PTPRU: variants seen among roughly 807,000 people sequenced by gnomAD.
The protein encoded by PTPRU is receptor-type tyrosine-protein phosphatase U.
PTPRU carries 69 observed loss-of-function variants against 166.3 expected under a neutral mutation model. The ratio of observed to expected loss-of-function variants is 0.41; its 90% CI spans 0.34 to 0.51. The LOEUF (loss-of-function observed/expected upper bound fraction) is 0.51. PTPRU is among the 20% of genes least tolerant of loss of function. The pLI is 0.09. For synonymous variants in PTPRU, 793 were observed against 814.0 expected, an observed-to-expected ratio of 0.97 and a Z score of 0.44; for missense variants, 1,657 against 2,013.7, an observed-to-expected ratio of 0.82 and a Z score of 3.39.
At chr1:29,301,593 T>C (rs1011146584) in intron 15 of PTPRU, among the ~76,000 whole-genome samples, 1 of 152,196 alleles carries the variant, frequency 6.6e-6, no homozygotes, top group Non-Finnish European at 1.5e-5. Context: ...TTCTTTCTTT[T>C]TTTATTGTAC....
rs781460636 is a variant in PTPRU, at chr1:29,275,606, A to G, written c.1303A>G (p.Ile435Val). 1 of 1,614,148 alleles carries G rather than the reference A, an allele frequency of 6.2e-7. No homozygotes were observed. Among genetic ancestry groups the G allele is most frequent in the South Asian group, 1.1e-5 (1 of 91,076 alleles). ...CCTGGGCAGCAGCCACAACCAGACCATCCGAGAGTGTGTGAAGACAGAGCA... is the reference window on the plus strand; with the variant it reads ...CCTGGGCAGCAGCCACAACCAGACCGTCCGAGAGTGTGTGAAGACAGAGCA... Reference protein sequence around the residue: ...YTLGSSHNQTIRECVKTEQGV... With the variant: ...YTLGSSHNQTVRECVKTEQGV... The change falls in exon 8 of 30, where the codon ATC becomes GTC. Residue 435 changes from isoleucine to valine, a missense_variant. By Grantham distance (29) the Ile-to-Val change is conservative (BLOSUM62 3). Around this residue, in one of 3 missense-constraint regions of PTPRU, gnomAD observed 1,190 missense variants for 1,477.4 expected, o/e 0.81. Coordinates refer to ENST00000373779, the MANE Select transcript of PTPRU (RefSeq NM_133178.4).
chr1:29,317,808 C>G lies in PTPRU; in HGVS notation c.3574C>G (p.Arg1192Gly), dbSNP rs112916671. ...GGAGTGCAGCATCGCCCTGTTGCCC[C>G]GGAACCGCGACAAGAACCGCAGCAT... ...VEECSIALLP[R>G]NRDKNRSMDV... The change falls in exon 25 of 30, where the codon CGG (arginine) becomes GGG (glycine). Residue 1192 changes from arginine (R) to glycine (G), a missense_variant. This residue lies in a region of PTPRU where 1,190 missense variants were observed against 1,477.4 expected (regional missense o/e 0.81). Transcript: ENST00000373779. The surrounding 1 kb of genome is among the most constrained non-coding windows in gnomAD (Gnocchi z 5.6). 3.7e-6 allele frequency: 6 copies of G among 1,613,220 alleles called. No homozygotes were observed. The African/African-American group carries it at 6.7e-5, about 18-fold the overall frequency.
intron 7 of PTPRU, among the ~76,000 whole-genome samples, chr1:29,272,465 G>A (rs1685600368): frequency 6.6e-6 from 1 of 152,180 alleles, no homozygotes; most frequent in Non-Finnish European, 1.5e-5. Context: ...CCTTCTGGGT[G>A]GAAACAGAAT....
At chr1:29,314,053 G>A (rs1222378665) in intron 22 of PTPRU, among the ~76,000 whole-genome samples, 2 of 152,140 alleles carry the variant, frequency 1.3e-5, no homozygotes, top group African/African-American at 2.4e-5. Context: ...GCTCTTTGCT[G>A]TTTGTCTTCT....
intron 14 of PTPRU, among the ~76,000 whole-genome samples, chr1:29,288,957 G>T (rs1042279176): frequency 1.3e-5 from 2 of 152,200 alleles, no homozygotes; most frequent in Non-Finnish European, 2.9e-5. Flanking sequence ...CAGAGGGGAT[G>T]ACCTGGCTCC....
chr1:29,260,822 A>T lies in PTPRU; in HGVS notation c.1063A>T (p.Ile355Phe), dbSNP rs1171067110. 7 of 1,612,258 alleles carry T rather than the reference A, an allele frequency of 4.3e-6. No homozygotes were observed. The highest frequency in any genetic ancestry group is 3.3e-5 in the South Asian group (3 of 90,992). The change falls in exon 7 of 30, where the codon ATC (isoleucine) becomes TTC (phenylalanine). Residue 355 changes from isoleucine to phenylalanine, a missense_variant. Ile to Phe is a conservative substitution (Grantham distance 21). Coordinates refer to ENST00000373779, the MANE Select transcript of PTPRU (RefSeq NM_133178.4). This position sits in a 1 kb window ranked among gnomAD's most constrained non-coding sequence, Gnocchi z 8.3. The part of the protein sequence containing the change: ...WHLDPDTEYE[I>F]SVLLTRPGDG... ...CCTCGACCCCGACACAGAGTATGAG[A>T]TCAGCGTGCTGCTCACGCGTCCCGG...
chr1:29,268,378 C>T (rs918060348), intron 7 of PTPRU, among the ~76,000 whole-genome samples: 7 of 152,142 alleles, frequency 4.6e-5, no homozygotes, highest in Non-Finnish European at 1.0e-4. Flanking sequence ...AGGACATAAC[C>T]GTTGTCACAA....
Position 29,269,243 on chromosome 1 carries a change from TATA to T in PTPRU, c.1145-6204_1145-6202del, listed in dbSNP as rs1384422874. ...ACATATATATATATATATATATATA[TATA>T]TTTTTTTTTTTTTTTTTTTTTTTTT... On this transcript the variant is annotated intron_variant, in intron 7 of 29. Transcript: ENST00000373779. 1.7e-3 allele frequency among the ~76,000 whole-genome samples: 90 copies of T among 52,102 alleles called. 1 individual carries two copies. The highest frequency in any genetic ancestry group is 2.3e-3 in the South Asian group (2 of 870). The allele number at this position is 52,102 out of a possible 152,430, so 34.2% of individuals were successfully genotyped here.
At position 29,254,640 on chromosome 1, in the gene PTPRU, C is replaced by A. The variant is rs139325198; in HGVS notation, c.74-635C>A. Among the ~76,000 whole-genome samples the A allele has an allele frequency of 3.3e-5, 5 of 152,348 alleles. No individual in the cohort carries two copies. In the South Asian group the frequency reaches 8.3e-4, roughly 25 times the overall value. ...TGGCCTGAACGAGGCTCTGTACTTA[C>A]GCCATTTAGCATTGTGCCCGGCTTG... On this transcript the variant is annotated intron_variant, in intron 1 of 29. Transcript: ENST00000373779.
intron 1 of PTPRU, 106 bp from the exon 2 acceptor site, chr1:29,255,169 G>C (rs1684718854): frequency 3.8e-6 from 5 of 1,332,456 alleles, no homozygotes; most frequent in Non-Finnish European, 5.1e-6. Context: ...AGAGAGGGAG[G>C]AGGGCAGGTG....
At chr1:29,319,356 G>A (rs1168476711) in intron 25 of PTPRU, among the ~76,000 whole-genome samples, 1 of 152,200 alleles carries the variant, frequency 6.6e-6, no homozygotes, top group Admixed American at 6.5e-5. Flanking sequence ...TGGCCCTGAT[G>A]GGTGGGTTAT....
At chr1:29,258,424 C>T in intron 2 of PTPRU, 81 bp from the exon 3 acceptor site, 1 of 1,481,818 alleles carries the variant, frequency 6.7e-7, no homozygotes, top group Non-Finnish European at 9.1e-7. Context: ...GCCTGGAGTC[C>T]TCCTCAGTGC....
chr1:29,240,846 G>A (rs369614843), intron 1 of PTPRU, among the ~76,000 whole-genome samples: 20 of 110,276 alleles, frequency 1.8e-4, no homozygotes, highest in Non-Finnish European at 2.5e-4. Context: ...CTTCCTGGAA[G>A]ACCCTCCCTT....
rs954399914 is a variant in PTPRU, at chr1:29,320,093, A to G, written c.3688-592A>G. 1 of 152,254 alleles carries G rather than the reference A, an allele frequency of 6.6e-6. No homozygotes were observed. Among genetic ancestry groups the G allele is most frequent in the African/African-American group, 2.4e-5 (1 of 41,446 alleles). 9.4% of individuals were successfully genotyped at this position (152,254 alleles called of 1,614,324 possible). ...TTCTGGGTGGAGACCATACCCTAGA[A>G]GCTCTGCTCTCCTGAACCTTGCTTT... is the stretch of plus-strand genomic sequence containing the variant. On this transcript the variant is annotated intron_variant, in intron 25 of 29. Transcript: ENST00000373779. This position sits in a 1 kb window ranked among gnomAD's most constrained non-coding sequence, Gnocchi z 5.2.
intron 1 of PTPRU, among the ~76,000 whole-genome samples, chr1:29,244,354 A>G (rs927351751): frequency 1.3e-5 from 2 of 151,942 alleles, no homozygotes; most frequent in South Asian, 2.1e-4. Context: ...CAGTGAAGGG[A>G]CAGGCGGTAT....
At chr1:29,275,804 A>G in intron 8 of PTPRU, 48 bp downstream of exon 8, 1 of 1,580,896 alleles carries the variant, frequency 6.3e-7, no homozygotes, top group South Asian at 1.1e-5. Flanking sequence ...CCTCCCACAG[A>G]TACGCCATGT....
intron 14 of PTPRU, among the ~76,000 whole-genome samples, chr1:29,287,392 C>G (rs1011105406): frequency 2.6e-5 from 4 of 152,052 alleles, no homozygotes; most frequent in African/African-American, 9.7e-5. Flanking sequence ...TGCTTGCCTC[C>G]CCTCCTGGGT....
At chr1:29,290,762 ACTT>A (rs1264191108) in intron 14 of PTPRU, among the ~76,000 whole-genome samples, 46 of 152,272 alleles carry the variant, frequency 3.0e-4, no homozygotes, top group Non-Finnish European at 6.2e-4. Flanking sequence ...CAGATGCAGA[ACTT>A]CTCAAAGAAT....
chr1:29,321,279 G>A (rs1191871746), intron 26 of PTPRU, among the ~76,000 whole-genome samples: 1 of 147,838 alleles, frequency 6.8e-6, no homozygotes, highest in African/African-American at 2.5e-5. Context: ...GGCCTCAAGT[G>A]ATCCTCCCAC....
Sources: allele counts gnomAD v4.1 joint callset (sites outside exome capture counted in the v4.1 genomes callset), GRCh38; gene constraint gnomAD v4.1.1; regional missense constraint gnomAD v4.1.1; non-coding constraint Gnocchi (gnomAD v3.1); transcripts MANE v1.5; gene names NCBI Gene and HGNC (gene_info 2026-07-23, HGNC 2026-07-21).